DCHS2: variants seen among roughly 807,000 people sequenced by gnomAD.
DCHS2 encodes the protein dachsous cadherin-related 2, also known as protocadherin-23.
A neutral mutation model predicts 182.4 loss-of-function variants in DCHS2; 142 were observed. That is an observed-to-expected ratio of 0.78 (90% CI 0.68 to 0.89). DCHS2 has a LOEUF of 0.89. Among genes scored for constraint, DCHS2 ranks in the 40% least tolerant of loss-of-function variants. The pLI is 0.00. For synonymous variants in DCHS2, 1,740 were observed against 1,663.3 expected (o/e 1.05, Z -1.12); for missense variants, 4,319 against 4,198.6 (o/e 1.03, Z -0.79).
At chr4:154,355,204 A>G (rs184755868) in intron 3 of DCHS2, among the ~76,000 whole-genome samples, 20 of 152,218 alleles carry the variant, frequency 1.3e-4, no homozygotes, top group Admixed American at 8.5e-4. Context: ...CTCTGCTGAT[A>G]AACAGGATGC....
At chr4:154,319,656 T>TA (rs59154846) in intron 9 of DCHS2, among the ~76,000 whole-genome samples, 5,735 of 116,654 alleles carry the variant, frequency 0.049, 415 homozygotes, top group African/African-American at 0.17. Context: ...TGGCTGTTAC[T>TA]AAAAAAAAAA....
chr4:154,367,123 AG>A (rs367872020), intron 2 of DCHS2, among the ~76,000 whole-genome samples: 60 of 152,308 alleles, frequency 3.9e-4, no homozygotes, highest in African/African-American at 1.4e-3. Context: ...GCAGCAAGGA[AG>A]CAGGAAGGGC....
At chr4:154,371,879 A>G (rs532091569) in intron 2 of DCHS2, among the ~76,000 whole-genome samples, 1 of 152,292 alleles carries the variant, frequency 6.6e-6, no homozygotes, top group Admixed American at 6.5e-5. Flanking sequence ...ATTCATGAGA[A>G]ATCCACCCTC....
intron 3 of DCHS2, among the ~76,000 whole-genome samples, chr4:154,336,145 T>A (rs1728798745): frequency 6.6e-6 from 1 of 152,210 alleles, no homozygotes; most frequent in Non-Finnish European, 1.5e-5. Flanking sequence ...AATAGCTGTG[T>A]ACAATAAAAC....
At chr4:154,435,864 G>T (rs1226815102) in intron 1 of DCHS2, among the ~76,000 whole-genome samples, 1 of 152,188 alleles carries the variant, frequency 6.6e-6, no homozygotes, top group African/African-American at 2.4e-5. Context: ...TTGAGTCTGA[G>T]CTTGATGAGA....
intron 1 of DCHS2, among the ~76,000 whole-genome samples, chr4:154,402,791 C>A (rs1732243985): frequency 6.6e-6 from 1 of 152,138 alleles, no homozygotes; most frequent in Non-Finnish European, 1.5e-5. Context: ...GGGACACAGC[C>A]AAACATATAC....
chr4:154,271,403 T>C (rs1482359322), intron 13 of DCHS2, among the ~76,000 whole-genome samples: 1 of 152,200 alleles, frequency 6.6e-6, no homozygotes, highest in Non-Finnish European at 1.5e-5. Flanking sequence ...GGAGTGTGGC[T>C]GTGTTTCAAT....
intron 17 of DCHS2, among the ~76,000 whole-genome samples, chr4:154,241,696 GT>G (rs751579826): frequency 4.6e-5 from 7 of 152,066 alleles, no homozygotes; most frequent in Non-Finnish European, 1.0e-4. Context: ...GTTTCTTCTT[GT>G]GATATATTTA....
chr4:154,242,590 A>C, intron 17 of DCHS2, 52 bp downstream of exon 17: 1 of 1,573,268 alleles, frequency 6.4e-7, no homozygotes, highest in Non-Finnish European at 8.6e-7. Flanking sequence ...GAAAATGGTA[A>C]ATGATATTAT....
intron 1 of DCHS2, among the ~76,000 whole-genome samples, chr4:154,382,447 T>C (rs763074297): frequency 3.3e-5 from 5 of 151,956 alleles, no homozygotes; most frequent in Non-Finnish European, 5.9e-5. Context: ...AAAAATTTAT[T>C]ACTAAGTCCT....
At chr4:154,371,291 G>A (rs1482097248) in intron 2 of DCHS2, among the ~76,000 whole-genome samples, 1 of 152,064 alleles carries the variant, frequency 6.6e-6, no homozygotes, top group African/African-American at 2.4e-5. Context: ...GAAAGGAGTA[G>A]AAATTATTTG....
At chr4:154,448,237 C>A (rs1734386775) in intron 1 of DCHS2, among the ~76,000 whole-genome samples, 1 of 152,144 alleles carries the variant, frequency 6.6e-6, no homozygotes, top group Non-Finnish European at 1.5e-5. Context: ...CTCCTCTCTC[C>A]CTAGGTAATC....
intron 1 of DCHS2, among the ~76,000 whole-genome samples, chr4:154,427,671 A>G (rs1733386660): frequency 6.6e-6 from 1 of 152,208 alleles, no homozygotes; most frequent in Non-Finnish European, 1.5e-5. Flanking sequence ...AGGAAAGGGG[A>G]TCCAAGACAG....
rs375818839 is a variant in DCHS2 at position 154,414,487 on chromosome 4, C to CTTTT, written c.2053-37047_2053-37044dup. On this transcript the variant is annotated intron_variant, in intron 1 of 19. Coordinates refer to ENST00000357232, the MANE Select transcript of DCHS2 (RefSeq NM_001358235.2). The stretch of plus-strand genomic sequence containing the variant: ...ACAAAAAATATCTCCATACAGCTTT[C>CTTTT]TTTTTTTTTTTTTTTTTTTTTTTTG... Among the ~76,000 whole-genome samples, 202 of 73,238 alleles carry CTTTT rather than the reference C, an allele frequency of 2.8e-3. 1 individual carries two copies. The highest frequency in any genetic ancestry group is 3.7e-3 in the African/African-American group (93 of 24,860). The allele number at this position is 73,238 out of a possible 152,430, so 48.0% of individuals were successfully genotyped here.
At chr4:154,418,669 C>T (rs1020364947) in intron 1 of DCHS2, among the ~76,000 whole-genome samples, 1 of 152,080 alleles carries the variant, frequency 6.6e-6, no homozygotes, top group Admixed American at 6.6e-5. Context: ...CTTTTCTACC[C>T]TGATATAAAT....
At chr4:154,285,185 C>G (rs1163463546) in intron 13 of DCHS2, among the ~76,000 whole-genome samples, 1 of 152,108 alleles carries the variant, frequency 6.6e-6, no homozygotes, top group Non-Finnish European at 1.5e-5. Context: ...GATTCACCAC[C>G]TGCTAATGAA....
chr4:154,253,095 C>CGGGGT, intron 16 of DCHS2, among the ~76,000 whole-genome samples: 1 of 84,922 alleles, frequency 1.2e-5, no homozygotes, highest in South Asian at 3.8e-4. Context: ...AGGTGTTGTG[C>CGGGGT]GGGGTGGGGG....
chr4:154,483,475 A>G (rs1735998335), intron 1 of DCHS2, among the ~76,000 whole-genome samples: 1 of 152,204 alleles, frequency 6.6e-6, no homozygotes, highest in Admixed American at 6.5e-5. Context: ...AACTGGGTCA[A>G]CTGAAGAAAC....
At chr4:154,246,528 C>T (rs1732077268) in intron 16 of DCHS2, among the ~76,000 whole-genome samples, 1 of 151,802 alleles carries the variant, frequency 6.6e-6, no homozygotes, top group South Asian at 2.1e-4. Context: ...CACTTATTTA[C>T]AGAAAGCCTT....
Sources: allele counts gnomAD v4.1 joint callset (sites outside exome capture counted in the v4.1 genomes callset), GRCh38; gene constraint gnomAD v4.1.1; transcripts MANE v1.5; gene names NCBI Gene and HGNC (gene_info 2026-07-23, HGNC 2026-07-21).